The following PEBP4 variants were observed in gnomAD, a reference collection of about 807,000 sequenced individuals.
PEBP4 encodes phosphatidylethanolamine-binding protein 4.
A neutral mutation model predicts 23.9 loss-of-function variants in PEBP4; 22 were observed. The observed-to-expected ratio is 0.92, with a 90% CI of 0.66 to 1.31. The LOEUF is 1.31. Among genes scored for constraint, PEBP4 ranks in the 40% most tolerant of loss-of-function variants. The probability of loss-of-function intolerance (pLI) is 0.00; values close to 1 mark genes in which losing one functional copy is unlikely to be tolerated. For missense variants in PEBP4, 324 were observed against 281.7 expected (o/e 1.15, Z -1.07); for synonymous variants, 112 against 99.3 (o/e 1.13, Z -0.76).
chr8:22,812,447 A>C (rs1806650934), intron 4 of PEBP4, among the ~76,000 whole-genome samples: 1 of 152,120 alleles, frequency 6.6e-6, no homozygotes, highest in Non-Finnish European at 1.5e-5. Flanking sequence ...GTTTATGGCC[A>C]CCTCTGTGCT....
intron 3 of PEBP4, among the ~76,000 whole-genome samples, chr8:22,841,677 C>T (rs1351141264): frequency 6.6e-6 from 1 of 152,208 alleles, no homozygotes; most frequent in Non-Finnish European, 1.5e-5. Flanking sequence ...TATGTGAGAA[C>T]AGAGAAAGTT....
chr8:22,794,041 G>T (rs1806193140), intron 4 of PEBP4, among the ~76,000 whole-genome samples: 1 of 151,964 alleles, frequency 6.6e-6, no homozygotes, highest in Admixed American at 6.6e-5. Context: ...GGTGGTGATG[G>T]TTTCTTGTTT....
chr8:22,877,937 GAC>G (rs60120809), intron 3 of PEBP4: 46 of 150,214 alleles, frequency 3.1e-4, no homozygotes, highest in Non-Finnish European at 4.6e-4. Flanking sequence ...CGCGTGCGCA[GAC>G]ACACACACAC....
At chr8:22,847,861 G>A (rs1807470127) in intron 3 of PEBP4, among the ~76,000 whole-genome samples, 1 of 152,154 alleles carries the variant, frequency 6.6e-6, no homozygotes. Context: ...AGGTGGCTTC[G>A]AGAGAATGCT....
chr8:22,835,726 A>C (rs1807190721), intron 3 of PEBP4, among the ~76,000 whole-genome samples: 1 of 152,242 alleles, frequency 6.6e-6, no homozygotes, highest in Non-Finnish European at 1.5e-5. Flanking sequence ...AGAAAGCGCT[A>C]TGTCCCATGG....
At position 22,713,316 on chromosome 8, in the gene PEBP4, A is replaced by G; in HGVS notation, c.*54T>C. ...TGTATCCAGAGGGGGTTCCATACCCACATCGTCGGTGGTGGGCAGTGTGGC... is the reference window on the plus strand; with the variant it reads ...TGTATCCAGAGGGGGTTCCATACCCGCATCGTCGGTGGTGGGCAGTGTGGC... On this transcript the variant is annotated 3_prime_UTR_variant, in exon 7 of 7. Transcript: ENST00000256404. The G allele has an allele frequency of 6.6e-7, 1 of 1,518,428 alleles. No homozygotes were observed. Among genetic ancestry groups the G allele is most frequent in the Admixed American group, 2.3e-5 (1 of 44,376 alleles). The allele number at this position is 1,518,428 out of a possible 1,614,324, so 94.1% of individuals were successfully genotyped here. A position where few individuals can be genotyped will look rare whatever the true frequency, so the allele number is the denominator to read the frequency against.
chr8:22,775,098 G>A lies in PEBP4; in HGVS notation c.357+42539C>T, dbSNP rs561424785. 3.3e-5 allele frequency among the ~76,000 whole-genome samples: 5 copies of A among 152,258 alleles called. No individual in the cohort carries two copies. The highest frequency in any genetic ancestry group is 1.9e-4 in the East Asian group (1 of 5,186). ...AAGTTAGCCATGTGATACATTTTCC[G>A]TTGCCTCTCTGGCATCAGTTTCCCC... On this transcript the variant is annotated intron_variant, in intron 4 of 6. Transcript: ENST00000256404. The surrounding 1 kb of genome is among the most constrained non-coding windows in gnomAD (Gnocchi z 4.8).
At chr8:22,769,375 C>G (rs1338442441) in intron 4 of PEBP4, among the ~76,000 whole-genome samples, 1 of 152,198 alleles carries the variant, frequency 6.6e-6, no homozygotes, top group Non-Finnish European at 1.5e-5. Context: ...AGGGAGGGCC[C>G]CATTATTATG....
chr8:22,756,135 T>G (rs1000587267), intron 4 of PEBP4: 1 of 152,254 alleles, frequency 6.6e-6, no homozygotes, highest in Non-Finnish European at 1.5e-5. Flanking sequence ...GAGCATCTTC[T>G]GTGCTCAGGC....
chr8:22,782,164 GC>G (rs1563214448), intron 4 of PEBP4, among the ~76,000 whole-genome samples: 2 of 152,172 alleles, frequency 1.3e-5, no homozygotes, highest in Non-Finnish European at 2.9e-5. Flanking sequence ...GGTCTCTCGG[GC>G]TGGGTGCCAG....
At chr8:22,875,934 G>A (rs905995210) in intron 3 of PEBP4, among the ~76,000 whole-genome samples, 19 of 152,040 alleles carry the variant, frequency 1.2e-4, no homozygotes, top group Admixed American at 9.8e-4. Context: ...TTCTGAGGCA[G>A]ACTCTCACTC....
intron 3 of PEBP4, among the ~76,000 whole-genome samples, chr8:22,857,614 A>G (rs1489330279): frequency 6.6e-6 from 1 of 152,186 alleles, no homozygotes; most frequent in East Asian, 1.9e-4. Context: ...CTTTCATCTG[A>G]AGTCACAGGA....
At chr8:22,787,206 C>G (rs954018560) in intron 4 of PEBP4, among the ~76,000 whole-genome samples, 3 of 152,086 alleles carry the variant, frequency 2.0e-5, no homozygotes, top group African/African-American at 7.2e-5. Flanking sequence ...GGAACACTAT[C>G]TTGGAGGGTG....
chr8:22,728,559 TCTTCCTTC>T (rs3029509), intron 4 of PEBP4, among the ~76,000 whole-genome samples: 19,145 of 95,300 alleles, frequency 0.2, 1,891 homozygotes, highest in Non-Finnish European at 0.27. Flanking sequence ...TTTCTTTCTT[TCTTCCTTC>T]CTTCCTTCCT....
intron 3 of PEBP4, among the ~76,000 whole-genome samples, chr8:22,875,436 A>G (rs1808100503): frequency 6.6e-6 from 1 of 152,146 alleles, no homozygotes; most frequent in Non-Finnish European, 1.5e-5. Flanking sequence ...TATTAAACCC[A>G]GTACCCAATT....
At chr8:22,804,264 G>C (rs1483211509) in intron 4 of PEBP4, among the ~76,000 whole-genome samples, 1 of 152,110 alleles carries the variant, frequency 6.6e-6, no homozygotes, top group Non-Finnish European at 1.5e-5. Context: ...CCAGGAGTTG[G>C]AGGCTGCAGT....
chr8:22,720,922 C>T (rs1413033076), intron 6 of PEBP4, among the ~76,000 whole-genome samples: 1 of 152,216 alleles, frequency 6.6e-6, no homozygotes, highest in African/African-American at 2.4e-5. Context: ...AGGCATCTGG[C>T]ATCAGCTGAG....
intron 4 of PEBP4, among the ~76,000 whole-genome samples, chr8:22,746,109 A>C (rs971787943): frequency 2.2e-5 from 3 of 139,362 alleles, no homozygotes; most frequent in African/African-American, 7.8e-5. Flanking sequence ...TCATATTACT[A>C]TATTCAACTT....
chr8:22,937,193 T>C (rs1055853736), intron 1 of PEBP4, among the ~76,000 whole-genome samples: 4 of 152,218 alleles, frequency 2.6e-5, no homozygotes, highest in African/African-American at 9.6e-5. Context: ...TAGAAAACTC[T>C]AATTTTTTAA....
Sources: gnomAD v4.1 joint callset for allele counts (sites outside exome capture counted in the v4.1 genomes callset) on GRCh38, gnomAD v4.1.1 for gene constraint, Gnocchi (gnomAD v3.1) non-coding constraint, MANE v1.5 for transcripts, NCBI Gene and HGNC (gene_info 2026-07-23, HGNC 2026-07-21) for gene names.